The following ATAD3C variants were observed in gnomAD, a reference collection of about 807,000 sequenced individuals.
The protein encoded by ATAD3C is ATPase family AAA domain-containing protein 3C.
In ATAD3C, 38 loss-of-function variants were observed where a neutral mutation model predicts 46.3. The observed-to-expected ratio is 0.82, with a 90% confidence interval of 0.63 to 1.08. The LOEUF (loss-of-function observed/expected upper bound fraction) is 1.08. Among genes scored for constraint, ATAD3C ranks in the 50% least tolerant of loss-of-function variants. The pLI is 0.00. For missense variants in ATAD3C, 563 were observed against 572.7 expected (o/e 0.98, Z 0.17); for synonymous variants, 220 against 236.4 (o/e 0.93, Z 0.63).
At chr1:1,454,904 A>C (rs1241328032) in intron 4 of ATAD3C, among the ~76,000 whole-genome samples, 2 of 150,580 alleles carry the variant, frequency 1.3e-5, no homozygotes, top group South Asian at 2.2e-4. Context: ...TCCACAGGTC[A>C]CTCGGTGGGT....
chr1:1,461,067 C>T, intron 10 of ATAD3C, 150 bp downstream of exon 10: 1 of 1,063,486 alleles, frequency 9.4e-7, no homozygotes, highest in Non-Finnish European at 1.3e-6. Context: ...CCTGTGGGCC[C>T]CAAGGGTCCC....
chr1:1,452,721 C>T (rs1422382412), intron 3 of ATAD3C, among the ~76,000 whole-genome samples: 2 of 151,454 alleles, frequency 1.3e-5, no homozygotes, highest in Admixed American at 6.6e-5. Flanking sequence ...ATCACTTGAA[C>T]CCGGGAGGCA....
intron 8 of ATAD3C, among the ~76,000 whole-genome samples, chr1:1,458,369 G>A (rs1033234571): frequency 1.3e-5 from 2 of 151,758 alleles, no homozygotes; most frequent in African/African-American, 4.8e-5. Context: ...CCGCCCCCTG[G>A]GTTCAAGCAG....
At chr1:1,451,915 G>A (rs1638866192) in intron 1 of ATAD3C, 131 bp from the exon 2 acceptor site, 1 of 1,426,766 alleles carries the variant, frequency 7.0e-7, no homozygotes, top group Non-Finnish European at 9.4e-7. Flanking sequence ...TCAGGGTGCG[G>A]CGTCTGCAGG....
chr1:1,468,243 C>T (rs1570162487), intron 11 of ATAD3C, 141 bp from the exon 12 acceptor site: 20 of 1,369,106 alleles, frequency 1.5e-5, no homozygotes, highest in East Asian at 2.7e-5. Flanking sequence ...TGGGCTCTGC[C>T]GAGGTGCGGG....
Position 1,450,711 on chromosome 1 carries a change from C to A in ATAD3C, c.28C>A (p.Gln10Lys), listed in dbSNP as rs760749667. 1.2e-6 allele frequency: 2 copies of A among 1,613,272 alleles called. No individual in the cohort carries two copies. Among genetic ancestry groups the A allele is most frequent in the Non-Finnish European group, 1.7e-6 (2 of 1,179,562 alleles). Reference sequence around the variant, plus strand: ...GTCAAAGGACGCCCTGAATCTGGCGCAGATGCAGGAGCAGACGCTGCAGTT... The same window carrying A: ...GTCAAAGGACGCCCTGAATCTGGCGAAGATGCAGGAGCAGACGCTGCAGTT... MSKDALNLA[Q>K]MQEQTLQLEQ... Residue 10 changes from glutamine (Q) to lysine (K), a missense_variant, in exon 1 of 12, where the codon CAG (glutamine) becomes AAG (lysine). Gln to Lys is a moderately conservative substitution (Grantham distance 53). Coordinates refer to ENST00000378785, the MANE Select transcript of ATAD3C (RefSeq NM_001039211.3).
Position 1,469,546 on chromosome 1 carries a change from CTT to C in ATAD3C, c.*1017_*1018del, listed in dbSNP as rs953017041. 5.3e-5 allele frequency: 8 copies of C among 151,762 alleles called. No individual in the cohort carries two copies. The highest frequency in any genetic ancestry group is 1.9e-4 in the African/African-American group (8 of 41,358). The allele number at this position is 151,762 out of a possible 1,614,324, so 9.4% of individuals were successfully genotyped here. ...GGAACTCATTTGGTTTTTCTCCTCT[CTT>C]ATTTTTTTGGGTAGAGACAGGGTCC... On this transcript the variant is annotated 3_prime_UTR_variant, in exon 12 of 12. Transcript: ENST00000378785.
At chr1:1,453,682 C>T (rs567772834) in intron 3 of ATAD3C, among the ~76,000 whole-genome samples, 1 of 150,256 alleles carries the variant, frequency 6.7e-6, no homozygotes, top group South Asian at 2.1e-4. Context: ...TGTTGTTGCC[C>T]AGGCTTGAGT....
Position 1,462,539 on chromosome 1 carries a change from C to T in ATAD3C, c.981-61C>T, listed in dbSNP as rs527479928. 4.7e-6 allele frequency: 7 copies of T among 1,483,914 alleles called. No individual in the cohort carries two copies. Among genetic ancestry groups the T allele is most frequent in the African/African-American group, 1.4e-5 (1 of 72,226 alleles). 91.9% of individuals were successfully genotyped at this position (1,483,914 alleles called of 1,614,324 possible). A position where few individuals can be genotyped will look rare whatever the true frequency, so the allele number is the denominator to read the frequency against. On this transcript the variant is annotated intron_variant, in intron 10 of 11. Transcript: ENST00000378785. This position sits in a 1 kb window ranked among gnomAD's most constrained non-coding sequence, Gnocchi z 4.5. The stretch of plus-strand genomic sequence containing the variant: ...TCCGCCTGGCTGCCTGTCTTCCGGC[C>T]TCCACCTCGTGGTGTGGGAGCTGCT...
At position 1,455,485 on chromosome 1, in the gene ATAD3C, G is replaced by C. The variant is rs747061326; in HGVS notation, c.404G>C (p.Arg135Pro). 4 of 1,612,478 alleles carry C rather than the reference G, an allele frequency of 2.5e-6. No homozygotes were observed. The highest frequency in any genetic ancestry group is 2.2e-5 in the South Asian group (2 of 90,934). ...IQQVSRRLLS[R>P]PQDVLEGVVL... ...CAGGTCAGCCGGCGGCTCCTCAGTC[G>C]ACCCCAGGACGTGCTGGAGGGTGTT... The change falls in exon 5 of 12, where the codon CGA (arginine) becomes CCA (proline). Residue 135 changes from arginine (R) to proline (P), a missense_variant. Around this residue, in one of 3 missense-constraint regions of ATAD3C, gnomAD observed 263 missense variants for 243.1 expected, o/e 1.08. Coordinates refer to ENST00000378785, the MANE Select transcript of ATAD3C (RefSeq NM_001039211.3).
chr1:1,469,097 CCTAAAAAAAAAAAAA>C lies in ATAD3C; in HGVS notation c.*568_*582del, dbSNP rs1639197450. The C allele has an allele frequency of 5.9e-5, 4 of 67,386 alleles. No homozygotes were observed. The highest frequency in any genetic ancestry group is 3.8e-4 in the African/African-American group (4 of 10,402). 4.2% of individuals were successfully genotyped at this position (67,386 alleles called of 1,614,324 possible). A position where few individuals can be genotyped will look rare whatever the true frequency, so the allele number is the denominator to read the frequency against. On this transcript the variant is annotated 3_prime_UTR_variant, in exon 12 of 12. Transcript: ENST00000378785. The stretch of plus-strand genomic sequence containing the variant: ...GCCAACATGGTGAAACTCCATCTCT[CCTAAAAAAAAAAAAA>C]AAAAAAAAAAAAAAAAAAAAAAAAT...
rs527890012 is a variant in ATAD3C at position 1,457,610 on chromosome 1, A to C, written c.741+430A>C. 1.9e-4 allele frequency among the ~76,000 whole-genome samples: 29 copies of C among 149,952 alleles called. 3 individuals are homozygous for C. Among genetic ancestry groups the C allele is most frequent in the East Asian group, 1.6e-3 (8 of 5,118 alleles). On this transcript the variant is annotated intron_variant, in intron 8 of 11. Transcript: ENST00000378785. The stretch of plus-strand genomic sequence containing the variant: ...GACTTCATCTCAAAAAAAAAAAAAA[A>C]AAAACAAAAAAAACAGCATTTTTTT...
chr1:1,455,917 G>A lies in ATAD3C; in HGVS notation c.564+1G>A. 2 of 1,613,136 alleles carry A rather than the reference G, an allele frequency of 1.2e-6. No individual in the cohort carries two copies. The highest frequency in any genetic ancestry group is 1.7e-6 in the Non-Finnish European group (2 of 1,179,682). Reference sequence around the variant, plus strand: ...CACCGGGAAGACGCTGTTTGCCAAGGTGAGAGTGCCTAGCTGAACAGGTGG... The same window carrying A: ...CACCGGGAAGACGCTGTTTGCCAAGATGAGAGTGCCTAGCTGAACAGGTGG... On this transcript the variant is annotated splice_donor_variant, in intron 6 of 11. Coordinates refer to ENST00000378785, the MANE Select transcript of ATAD3C (RefSeq NM_001039211.3). LOFTEE classifies it high-confidence loss of function.
rs181723185 is a variant in ATAD3C at position 1,459,434 on chromosome 1, G to A, written c.812+203G>A. On this transcript the variant is annotated intron_variant, in intron 9 of 11. Coordinates refer to ENST00000378785, the MANE Select transcript of ATAD3C (RefSeq NM_001039211.3). This position sits in a 1 kb window ranked among gnomAD's most constrained non-coding sequence, Gnocchi z 4.9. ...ACTGAGGAACATGCGGGGGCCTCCC[G>A]GGCAGAGCTGGGGTCAGTCCTGTCC... Among the ~76,000 whole-genome samples, 1,583 of 151,536 alleles carry A rather than the reference G, an allele frequency of 0.01. 31 individuals carry two copies. The highest frequency in any genetic ancestry group is 0.036 in the African/African-American group (1,493 of 40,958).
intron 8 of ATAD3C, among the ~76,000 whole-genome samples, chr1:1,458,664 G>T (rs370668299): frequency 6.6e-6 from 1 of 151,218 alleles, no homozygotes; most frequent in Non-Finnish European, 1.5e-5. Context: ...CTAAAGAGAT[G>T]CTCTTGCCTT....
intron 9 of ATAD3C, among the ~76,000 whole-genome samples, chr1:1,460,538 A>G (rs1364898126): frequency 6.6e-6 from 1 of 152,080 alleles, no homozygotes; most frequent in Non-Finnish European, 1.5e-5. Context: ...ACAGAGGCCC[A>G]GGAAGCCGGG....
chr1:1,465,891 G>T (rs1639135432), intron 11 of ATAD3C, among the ~76,000 whole-genome samples: 1 of 151,932 alleles, frequency 6.6e-6, no homozygotes, highest in Non-Finnish European at 1.5e-5. Context: ...CAGAGGAAAA[G>T]CTGCCAGTTT....
intron 8 of ATAD3C, among the ~76,000 whole-genome samples, chr1:1,458,256 C>A (rs972077438): frequency 2.6e-5 from 4 of 151,796 alleles, no homozygotes; most frequent in African/African-American, 9.7e-5. Context: ...GCTGGGATTA[C>A]ATGCGTGATC....
chr1:1,459,274 G>A lies in ATAD3C; in HGVS notation c.812+43G>A, dbSNP rs774824584. 1.9e-6 allele frequency: 3 copies of A among 1,605,314 alleles called. No homozygotes were observed. On this transcript the variant is annotated intron_variant, in intron 9 of 11. Transcript: ENST00000378785. This position sits in a 1 kb window ranked among gnomAD's most constrained non-coding sequence, Gnocchi z 4.9. The stretch of plus-strand genomic sequence containing the variant: ...GTCCTGGGCCCCCGGGCAGGGCTGT[G>A]CAGCCGTCACCCTTGGTTCCCACCG...
Sources: gnomAD v4.1 joint callset for allele counts (sites outside exome capture counted in the v4.1 genomes callset) on GRCh38, gnomAD v4.1.1 for gene constraint, gnomAD v4.1.1 regional missense constraint, Gnocchi (gnomAD v3.1) non-coding constraint, MANE v1.5 for transcripts, NCBI Gene and HGNC (gene_info 2026-07-23, HGNC 2026-07-21) for gene names.